RAB28: variants seen among roughly 807,000 people sequenced by gnomAD.
The protein encoded by RAB28 is RAB28, member RAS oncogene family.
In RAB28, 24 loss-of-function variants were observed where a neutral mutation model predicts 31.7. The observed-to-expected ratio is 0.76, with a 90% confidence interval of 0.55 to 1.06. The LOEUF is 1.06. Among genes scored for constraint, RAB28 ranks in the 50% least tolerant of loss-of-function variants. The pLI is 0.00. For synonymous variants in RAB28, 100 were observed against 90.4 expected, an observed-to-expected ratio of 1.11 and a Z score of -0.60; for missense variants, 254 against 258.5, an observed-to-expected ratio of 0.98 and a Z score of 0.12.
chr4:13,447,809 A>G (rs1224906391), intron 4 of RAB28, among the ~76,000 whole-genome samples: 1 of 152,212 alleles, frequency 6.6e-6, no homozygotes, highest in Non-Finnish European at 1.5e-5. Context: ...TAACAATTGA[A>G]TGATAAAATA....
chr4:13,440,639 GATTT>G (rs1335031924), intron 4 of RAB28, among the ~76,000 whole-genome samples: 1 of 152,108 alleles, frequency 6.6e-6, no homozygotes, highest in Non-Finnish European at 1.5e-5. Context: ...GATTATGTGA[GATTT>G]ATTTATAACA....
intron 4 of RAB28, among the ~76,000 whole-genome samples, chr4:13,441,335 CTAAT>C (rs1159973473): frequency 3.9e-5 from 6 of 152,156 alleles, no homozygotes; most frequent in African/African-American, 9.7e-5. Flanking sequence ...TCGATTTAGC[CTAAT>C]TAATTACCTA....
chr4:13,449,955 C>T (rs762323351), intron 4 of RAB28, among the ~76,000 whole-genome samples: 2 of 151,730 alleles, frequency 1.3e-5, no homozygotes, highest in Non-Finnish European at 3.0e-5. Context: ...AGTATAAAGG[C>T]ATAACGGATT....
chr4:13,419,360 G>A (rs537818532), intron 4 of RAB28, among the ~76,000 whole-genome samples: 63 of 152,164 alleles, frequency 4.1e-4, no homozygotes, highest in African/African-American at 9.9e-4. Context: ...AGGTTAACAC[G>A]GATATCCAAA....
intron 5 of RAB28, among the ~76,000 whole-genome samples, chr4:13,379,265 A>G (rs1354003408): frequency 6.7e-6 from 1 of 149,958 alleles, no homozygotes; most frequent in Non-Finnish European, 1.5e-5. Flanking sequence ...TAGACTAGGG[A>G]TATAGAGCAT....
In RAB28 at chr4:13,375,792, CACAGAG is replaced by C. The variant is rs1233962692; in HGVS notation, c.573+747_573+752del. Among the ~76,000 whole-genome samples the C allele has an allele frequency of 7.0e-3, 1,048 of 149,200 alleles. 13 individuals carry two copies. Among genetic ancestry groups the C allele is most frequent in the African/African-American group, 0.025 (989 of 39,570 alleles). On this transcript the variant is annotated intron_variant, in intron 6 of 6. Coordinates refer to ENST00000330852, the MANE Select transcript of RAB28 (RefSeq NM_001017979.3). ...AAACACACACACACACACACACACA[CACAGAG>C]AGAGAGAGAGACCATGAGAAAAAGA...
At chr4:13,382,506 G>A (rs1472103682) in intron 4 of RAB28, among the ~76,000 whole-genome samples, 1 of 151,654 alleles carries the variant, frequency 6.6e-6, no homozygotes, top group Non-Finnish European at 1.5e-5. Flanking sequence ...AATCTAGTAA[G>A]CCTACATAAT....
rs548925046 is a variant in RAB28 at position 13,461,432 on chromosome 4, T to C, written c.262-604A>G. Among the ~76,000 whole-genome samples the C allele has an allele frequency of 3.2e-4, 49 of 152,318 alleles. 1 individual carries two copies. Among genetic ancestry groups the C allele is most frequent in the African/African-American group, 1.2e-3 (48 of 41,586 alleles). On this transcript the variant is annotated intron_variant, in intron 3 of 6. Coordinates refer to ENST00000330852, the MANE Select transcript of RAB28 (RefSeq NM_001017979.3). Reference sequence around the variant, plus strand: ...GTTAAGTAACTCCTTTACCATCTCCTTTCCAGAGTAAACAAACTCAGTTCC... The same window carrying C: ...GTTAAGTAACTCCTTTACCATCTCCCTTCCAGAGTAAACAAACTCAGTTCC...
intron 4 of RAB28, among the ~76,000 whole-genome samples, chr4:13,411,297 A>C (rs1372313681): frequency 1.3e-5 from 2 of 152,202 alleles, no homozygotes; most frequent in African/African-American, 4.8e-5. Context: ...ATTAATTAAT[A>C]CAACTTTTGT....
intron 4 of RAB28, among the ~76,000 whole-genome samples, chr4:13,428,076 G>C (rs979914140): frequency 2.0e-4 from 31 of 152,170 alleles, no homozygotes; most frequent in African/African-American, 7.0e-4. Flanking sequence ...AATCAGAACG[G>C]AACAGAACAG....
intron 4 of RAB28, among the ~76,000 whole-genome samples, chr4:13,415,494 C>A (rs112275246): frequency 2.0e-5 from 3 of 152,130 alleles, no homozygotes; most frequent in African/African-American, 7.2e-5. Context: ...TCAGAGCGCC[C>A]GGCCAGCCCT....
chr4:13,428,183 C>T (rs1170159983), intron 4 of RAB28, among the ~76,000 whole-genome samples: 5 of 152,220 alleles, frequency 3.3e-5, no homozygotes, highest in African/African-American at 9.6e-5. Context: ...CAGGGCGCGC[C>T]GCCGGGCTGT....
At chr4:13,443,616 A>G (rs940181175) in intron 4 of RAB28, among the ~76,000 whole-genome samples, 2 of 152,192 alleles carry the variant, frequency 1.3e-5, no homozygotes, top group African/African-American at 4.8e-5. Context: ...GCATGTGTAT[A>G]CTTGTAAACA....
intron 3 of RAB28, 23 bp from the exon 4 acceptor site, chr4:13,460,851 T>C: frequency 1.2e-6 from 2 of 1,602,614 alleles, no homozygotes. Context: ...AGTTACAAAA[T>C]ATCTGTAATG....
chr4:13,373,269 T>C (rs2108874986), intron 6 of RAB28, among the ~76,000 whole-genome samples: 1 of 151,104 alleles, frequency 6.6e-6, no homozygotes, highest in East Asian at 1.9e-4. Flanking sequence ...TCTATGTACT[T>C]TGCAAATAAA....
chr4:13,443,445 T>A (rs1714525014), intron 4 of RAB28, among the ~76,000 whole-genome samples: 1 of 152,210 alleles, frequency 6.6e-6, no homozygotes, highest in African/African-American at 2.4e-5. Context: ...GTGCTGGGAT[T>A]ACAGGCGTGA....
intron 5 of RAB28, among the ~76,000 whole-genome samples, chr4:13,379,288 G>A (rs1353968957): frequency 6.6e-6 from 1 of 150,648 alleles, no homozygotes; most frequent in Non-Finnish European, 1.5e-5. Flanking sequence ...TTACTGAGCA[G>A]CATTAAGGGC....
rs746076574 is a variant in RAB28, at chr4:13,368,105, T to C, written c.*453A>G. On this transcript the variant is annotated 3_prime_UTR_variant, in exon 7 of 7. Transcript: ENST00000330852. ...GCGAAAGAATGTCTTCATAAGTATC[T>C]GTAGGTAAAATATATTACTTGCTTA... The C allele has an allele frequency of 1.4e-5, 14 of 982,332 alleles. No homozygotes were observed. Among genetic ancestry groups the C allele is most frequent in the Non-Finnish European group, 1.6e-5 (13 of 827,072 alleles). The allele number at this position is 982,332 out of a possible 1,614,324, so 60.9% of individuals were successfully genotyped here. A position where few individuals can be genotyped will look rare whatever the true frequency, so the allele number is the denominator to read the frequency against.
intron 4 of RAB28, among the ~76,000 whole-genome samples, chr4:13,429,673 G>C (rs1034356182): frequency 1.3e-5 from 2 of 152,088 alleles, no homozygotes; most frequent in Non-Finnish European, 2.9e-5. Flanking sequence ...TAATAGATCG[G>C]AAGAAAATAT....
Sources: allele counts gnomAD v4.1 joint callset (sites outside exome capture counted in the v4.1 genomes callset), GRCh38; gene constraint gnomAD v4.1.1; transcripts MANE v1.5; gene names NCBI Gene and HGNC (gene_info 2026-07-23, HGNC 2026-07-21).